The following KIAA2012 variants were observed in gnomAD, a reference collection of about 807,000 sequenced individuals.
KIAA2012 encodes the protein KIAA2012.
KIAA2012 carries 125 observed loss-of-function variants against 150.6 expected under a neutral mutation model. That is an observed-to-expected ratio of 0.83 (90% CI 0.72 to 0.96). The LOEUF is 0.96. KIAA2012 is among the 40% of genes least tolerant of loss of function. The probability of loss-of-function intolerance (pLI) is 0.00; values close to 1 mark genes in which losing one functional copy is unlikely to be tolerated. For synonymous variants in KIAA2012, 462 were observed against 504.7 expected (o/e 0.92, Z 1.13); for missense variants, 1,219 against 1,354.9 (o/e 0.90, Z 1.57).
chr2:202,180,449 C>T (rs369874683), intron 15 of KIAA2012, among the ~76,000 whole-genome samples: 1 of 152,068 alleles, frequency 6.6e-6, no homozygotes, highest in East Asian at 1.9e-4. Flanking sequence ...CTTATAAATC[C>T]TGATAAACTG....
intron 13 of KIAA2012, among the ~76,000 whole-genome samples, chr2:202,153,275 G>A (rs1691462114): frequency 6.6e-6 from 1 of 152,112 alleles, no homozygotes; most frequent in South Asian, 2.1e-4. Context: ...GAGGAGAGAT[G>A]GCTGCACAAG....
intron 12 of KIAA2012, chr2:202,136,291 C>T: frequency 6.3e-6 from 1 of 159,484 alleles, no homozygotes; most frequent in Non-Finnish European, 1.4e-5. Context: ...AGTGAAGCTG[C>T]AGACCTTCGC....
chr2:202,190,281 G>A lies in KIAA2012; in HGVS notation c.2599G>A (p.Gly867Arg), dbSNP rs555975108. The change falls in exon 19 of 24, where the codon GGG (glycine) becomes AGG (arginine). Residue 867 changes from glycine to arginine, a missense_variant. Physicochemically the swap from Gly to Arg is moderately radical, Grantham distance 125. Transcript: ENST00000498697. ...TCTGGAGATAGCGGCAGAGCTGAGC[G>A]GGCCTGATGTCAGCTATGAGGAAAC... Reference protein sequence around the residue: ...RNLEIAAELSGPDVSYEETED... With the variant: ...RNLEIAAELSRPDVSYEETED... 303 of 1,550,410 alleles carry A rather than the reference G, an allele frequency of 2.0e-4. 6 individuals carry two copies. In the South Asian group the frequency reaches 2.6e-3, roughly 13 times the overall value.
At chr2:202,173,891 G>A (rs769558366) in intron 15 of KIAA2012, among the ~76,000 whole-genome samples, 4 of 152,256 alleles carry the variant, frequency 2.6e-5, no homozygotes, top group African/African-American at 9.6e-5. Context: ...TCTTGATTTT[G>A]ACAAAGAGTA....
At chr2:202,119,973 T>G (rs1361770736) in intron 11 of KIAA2012, among the ~76,000 whole-genome samples, 1 of 152,206 alleles carries the variant, frequency 6.6e-6, no homozygotes, top group Non-Finnish European at 1.5e-5. Flanking sequence ...TCAAGAGATC[T>G]CATGGTTTTA....
At chr2:202,130,097 A>T (rs777449140) in intron 12 of KIAA2012, among the ~76,000 whole-genome samples, 26 of 152,232 alleles carry the variant, frequency 1.7e-4, no homozygotes, top group Non-Finnish European at 3.2e-4. Context: ...CCTAAAAAAA[A>T]GCTGACTGCT....
At chr2:202,152,125 T>C (rs1261711455) in intron 13 of KIAA2012, among the ~76,000 whole-genome samples, 1 of 152,142 alleles carries the variant, frequency 6.6e-6, no homozygotes, top group Non-Finnish European at 1.5e-5. Context: ...CATCACTACC[T>C]CTTCTTTATA....
Position 202,100,293 on chromosome 2 carries a change from T to A in KIAA2012, c.1013-14T>A, listed in dbSNP as rs1559203791. ...TGCAATTAATATATTCTCATTCTCATCCTGTTTTTAAAGATAAACAAAGGA... is the reference window on the plus strand; with the variant it reads ...TGCAATTAATATATTCTCATTCTCAACCTGTTTTTAAAGATAAACAAAGGA... On this transcript the variant is annotated splice_polypyrimidine_tract_variant and intron_variant, in intron 6 of 23. Transcript: ENST00000498697. 3 of 1,548,146 alleles carry A rather than the reference T, an allele frequency of 1.9e-6. No homozygotes were observed. Among genetic ancestry groups the A allele is most frequent in the South Asian group, 1.2e-5 (1 of 83,812 alleles).
rs151318971 is a variant in KIAA2012, at chr2:202,193,062, G to C, written c.2812-239G>C. Among the ~76,000 whole-genome samples the C allele has an allele frequency of 5.7e-4, 87 of 152,262 alleles. 2 individuals carry two copies. The highest frequency in any genetic ancestry group is 2.0e-3 in the African/African-American group (84 of 41,558). On this transcript the variant is annotated intron_variant, in intron 19 of 23. Coordinates refer to ENST00000498697, the MANE Select transcript of KIAA2012 (RefSeq NM_001277372.4). ...CAGTACCATGAGGAAGACAATATCG[G>C]GAAGTTTAAGTTGTGATCCCTAAAT...
At chr2:202,091,889 A>G (rs775307328) in intron 3 of KIAA2012, among the ~76,000 whole-genome samples, 16 of 152,208 alleles carry the variant, frequency 1.1e-4, no homozygotes, top group African/African-American at 2.2e-4. Context: ...CACTCCCCCA[A>G]TAAGTGGTGA....
At chr2:202,110,222 G>T (rs1048152152) in intron 10 of KIAA2012, among the ~76,000 whole-genome samples, 10 of 152,196 alleles carry the variant, frequency 6.6e-5, no homozygotes, top group Non-Finnish European at 7.3e-5. Context: ...TGTTCACAGA[G>T]ACGGAAAGAC....
At chr2:202,138,762 A>G (rs1437115392) in intron 13 of KIAA2012, among the ~76,000 whole-genome samples, 2 of 152,238 alleles carry the variant, frequency 1.3e-5, no homozygotes, top group Non-Finnish European at 1.5e-5. Context: ...TGACTTCTGC[A>G]AAGTCAGAAA....
At chr2:202,150,205 G>T (rs192606934) in intron 13 of KIAA2012, among the ~76,000 whole-genome samples, 2 of 152,150 alleles carry the variant, frequency 1.3e-5, no homozygotes, top group African/African-American at 2.4e-5. Flanking sequence ...AAGTATTTAC[G>T]CAATGCCTTC....
At chr2:202,136,525 G>C (rs894290373) in intron 12 of KIAA2012, 3 of 152,522 alleles carry the variant, frequency 2.0e-5, no homozygotes, top group African/African-American at 7.2e-5. Context: ...AGCCCAGTAG[G>C]CTTCACCTCT....
At chr2:202,082,363 T>C (rs961953148) in intron 2 of KIAA2012, among the ~76,000 whole-genome samples, 3 of 152,098 alleles carry the variant, frequency 2.0e-5, no homozygotes, top group Non-Finnish European at 4.4e-5. Flanking sequence ...TCTGTCTCTC[T>C]CTCTCAAAGA....
chr2:202,121,019 G>A (rs1690641481), intron 11 of KIAA2012, among the ~76,000 whole-genome samples: 1 of 152,144 alleles, frequency 6.6e-6, no homozygotes, highest in South Asian at 2.1e-4. Flanking sequence ...TTTGACCAAT[G>A]GGATGTGAGT....
At position 202,202,584 on chromosome 2, in the gene KIAA2012, A is replaced by T. The variant is rs932265820; in HGVS notation, c.*17A>T. The T allele has an allele frequency of 2.5e-6, 1 of 398,998 alleles. No individual in the cohort carries two copies. The highest frequency in any genetic ancestry group is 4.4e-6 in the Non-Finnish European group (1 of 226,050). 24.7% of individuals were successfully genotyped at this position (398,998 alleles called of 1,614,324 possible). On this transcript the variant is annotated 3_prime_UTR_variant, in exon 23 of 24. Transcript: ENST00000498697. ...AGGCCTTAAGGCTAGAAGAAAACTA[A>T]AAAGTAAGTTGGGAGATGGTGAAAG...
At chr2:202,096,687 C>T (rs1689892945) in intron 4 of KIAA2012, among the ~76,000 whole-genome samples, 1 of 152,178 alleles carries the variant, frequency 6.6e-6, no homozygotes, top group South Asian at 2.1e-4. Flanking sequence ...AAGACAACCC[C>T]AAATTGTTCC....
intron 10 of KIAA2012, among the ~76,000 whole-genome samples, chr2:202,110,274 C>A (rs1371068255): frequency 6.6e-6 from 1 of 152,198 alleles, no homozygotes; most frequent in African/African-American, 2.4e-5. Flanking sequence ...AGGCCATTCC[C>A]TCTAGGATTT....
Sources: allele counts gnomAD v4.1 joint callset (sites outside exome capture counted in the v4.1 genomes callset), GRCh38; gene constraint gnomAD v4.1.1; transcripts MANE v1.5; gene names NCBI Gene and HGNC (gene_info 2026-07-23, HGNC 2026-07-21).